CDK15: variants seen among roughly 807,000 people sequenced by gnomAD.
CDK15 encodes cyclin dependent kinase 15.
A neutral mutation model predicts 60.3 loss-of-function variants in CDK15; 62 were observed. That is an observed-to-expected ratio of 1.03 (90% CI 0.84 to 1.27). The LOEUF is 1.27. Ranked by LOEUF, CDK15 falls within the 50% of genes most tolerant of loss-of-function variation. The pLI is 0.00. For synonymous variants in CDK15, 194 were observed against 195.7 expected, an observed-to-expected ratio of 0.99 and a Z score of 0.07; for missense variants, 541 against 527.8, an observed-to-expected ratio of 1.03 and a Z score of -0.25.
At chr2:201,823,550 C>A in intron 5 of CDK15, 115 bp from the exon 6 acceptor site, 1 of 947,984 alleles carries the variant, frequency 1.1e-6, no homozygotes, top group South Asian at 1.3e-5. Flanking sequence ...GCACCTTATT[C>A]TTAAAATTCT....
At position 201,882,110 on chromosome 2, in the gene CDK15, C is replaced by T. The variant is rs1339134842; in HGVS notation, c.1198+1943C>T. On this transcript the variant is annotated intron_variant, in intron 12 of 13. Coordinates refer to ENST00000652192, the MANE Select transcript of CDK15 (RefSeq NM_001366386.2). The surrounding 1 kb of genome is among the most constrained non-coding windows in gnomAD (Gnocchi z 4.0). ...AAACTTGGGTTTTGATTTTTCCTGGCTGACCCAAAAGCAAAGCCACCAACA... is the reference window on the plus strand; with the variant it reads ...AAACTTGGGTTTTGATTTTTCCTGGTTGACCCAAAAGCAAAGCCACCAACA... Among the ~76,000 whole-genome samples the T allele has an allele frequency of 6.6e-6, 1 of 152,124 alleles. No homozygotes were observed. Among genetic ancestry groups the T allele is most frequent in the Non-Finnish European group, 1.5e-5 (1 of 68,020 alleles).
At chr2:201,844,833 A>G (rs1697572165) in intron 8 of CDK15, among the ~76,000 whole-genome samples, 3 of 152,160 alleles carry the variant, frequency 2.0e-5, no homozygotes, top group South Asian at 2.1e-4. Context: ...TGGGGCTGTT[A>G]TATCCAAATT....
rs182658535 is a variant in CDK15, at chr2:201,809,880, C to T, written c.368+1928C>T. 1.4e-4 allele frequency among the ~76,000 whole-genome samples: 22 copies of T among 152,140 alleles called. No homozygotes were observed. The East Asian group carries it at 4.1e-3, about 28-fold the overall frequency. ...TTCCACTGTTCATGCACACAGCTGA[C>T]TCCCCCTCGCCATCAGATTCCTGGT... On this transcript the variant is annotated intron_variant, in intron 3 of 13. Transcript: ENST00000652192.
chr2:201,819,046 A>G (rs1263451436), intron 4 of CDK15, among the ~76,000 whole-genome samples: 1 of 152,166 alleles, frequency 6.6e-6, no homozygotes, highest in African/African-American at 2.4e-5. Flanking sequence ...ATAAACAAAT[A>G]TTTATATATA....
intron 10 of CDK15, among the ~76,000 whole-genome samples, chr2:201,859,698 C>A (rs1698304275): frequency 6.6e-6 from 1 of 152,096 alleles, no homozygotes; most frequent in Admixed American, 6.5e-5. Flanking sequence ...AGGTATTGGT[C>A]CTAAACTAAG....
intron 10 of CDK15, among the ~76,000 whole-genome samples, chr2:201,869,504 T>C (rs1022661946): frequency 6.6e-6 from 1 of 151,836 alleles, no homozygotes; most frequent in Non-Finnish European, 1.5e-5. Context: ...GTTGTGCACC[T>C]GTACCCTAGA....
At chr2:201,892,858 C>T (rs536098561) in intron 13 of CDK15, among the ~76,000 whole-genome samples, 26 of 152,270 alleles carry the variant, frequency 1.7e-4, no homozygotes, top group African/African-American at 5.3e-4. Context: ...ATTAGGACTT[C>T]GTAACTGGCA....
chr2:201,858,124 G>A (rs889750973), intron 10 of CDK15, among the ~76,000 whole-genome samples: 1 of 152,096 alleles, frequency 6.6e-6, no homozygotes, highest in Non-Finnish European at 1.5e-5. Flanking sequence ...GGCCTTATCT[G>A]GACACCTCTA....
chr2:201,835,966 T>A (rs867273457), intron 8 of CDK15, among the ~76,000 whole-genome samples: 1 of 91,460 alleles, frequency 1.1e-5, no homozygotes, highest in East Asian at 5.5e-4. Flanking sequence ...TTGTATATAT[T>A]TATATATTTA....
chr2:201,809,677 T>C (rs537926485), intron 3 of CDK15, among the ~76,000 whole-genome samples: 1 of 152,328 alleles, frequency 6.6e-6, no homozygotes, highest in African/African-American at 2.4e-5. Flanking sequence ...AAATATCTAA[T>C]ACAACAGTCT....
chr2:201,871,899 G>A (rs758789818), intron 10 of CDK15, among the ~76,000 whole-genome samples: 21 of 152,048 alleles, frequency 1.4e-4, no homozygotes, highest in African/African-American at 4.1e-4. Flanking sequence ...TCTGACGCAC[G>A]TCTATTTCTG....
At chr2:201,861,841 G>A (rs1010971969) in intron 10 of CDK15, among the ~76,000 whole-genome samples, 1 of 152,152 alleles carries the variant, frequency 6.6e-6, no homozygotes, top group African/African-American at 2.4e-5. Context: ...GATTACAGGT[G>A]TGAGCCACTG....
At position 201,806,548 on chromosome 2, in the gene CDK15, G is replaced by A. The variant is rs528537524; in HGVS notation, c.-117G>A. 5 of 1,208,856 alleles carry A rather than the reference G, an allele frequency of 4.1e-6. No individual in the cohort carries two copies. The highest frequency in any genetic ancestry group is 5.4e-5 in the Admixed American group (2 of 37,092). The allele number at this position is 1,208,856 out of a possible 1,614,324, so 74.9% of individuals were successfully genotyped here. The stretch of plus-strand genomic sequence containing the variant: ...AGGCTGCTCCAGGCAGAGCCATCAT[G>A]TGAGTCATATGAAAGCTCCACGCTG... On this transcript the variant is annotated 5_prime_UTR_variant, in exon 1 of 14. It adds an upstream start codon to the 5' untranslated region. Transcript: ENST00000652192.
chr2:201,807,955 G>A lies in CDK15; in HGVS notation c.368+3G>A. The A allele has an allele frequency of 6.2e-7, 1 of 1,612,018 alleles. No individual in the cohort carries two copies. Among genetic ancestry groups the A allele is most frequent in the Non-Finnish European group, 8.5e-7 (1 of 1,178,932 alleles). ...ACAGTTTACAAGGGGATTAGCAGGT[G>A]AGTGACACATAGCTGGGAGAGACTT... On this transcript the variant is annotated splice_donor_region_variant and intron_variant, in intron 3 of 13. Transcript: ENST00000652192.
Position 201,807,916 on chromosome 2 carries a change from A to G in CDK15, c.332A>G (p.Glu111Gly). 3.7e-6 allele frequency: 6 copies of G among 1,614,172 alleles called. No homozygotes were observed. The highest frequency in any genetic ancestry group is 5.1e-6 in the Non-Finnish European group (6 of 1,180,022). Residue 111 changes from glutamate (E) to glycine (G), a missense_variant, in exon 3 of 14, where the codon GAA becomes GGA. Coordinates refer to ENST00000652192, the MANE Select transcript of CDK15 (RefSeq NM_001366386.2). ...SSYLNLEKLG[E>G]GSYATVYKGI... ...TACTTGAACTTGGAGAAGCTGGGTG[A>G]AGGCTCTTATGCGACAGTTTACAAG...
At chr2:201,840,213 G>A (rs976289323) in intron 8 of CDK15, among the ~76,000 whole-genome samples, 5 of 152,122 alleles carry the variant, frequency 3.3e-5, no homozygotes, top group African/African-American at 1.2e-4. Context: ...TCGAACTTTA[G>A]ATGTCAGGTG....
intron 8 of CDK15, among the ~76,000 whole-genome samples, chr2:201,846,274 C>T (rs1164924313): frequency 6.6e-6 from 1 of 152,078 alleles, no homozygotes; most frequent in Admixed American, 6.6e-5. Flanking sequence ...GGGTGGATCA[C>T]TTGAGGTCAG....
chr2:201,875,410 C>G (rs1163516503), intron 11 of CDK15, among the ~76,000 whole-genome samples: 1 of 152,134 alleles, frequency 6.6e-6, no homozygotes, highest in Non-Finnish European at 1.5e-5. Flanking sequence ...GAATCAAATA[C>G]TTTAACATGT....
In CDK15 at chr2:201,835,746, C is replaced by G. The variant is rs202239820; in HGVS notation, c.834C>G (p.Ser278=). 43 of 1,607,870 alleles carry G rather than the reference C, an allele frequency of 2.7e-5. No individual in the cohort carries two copies. The African/African-American group carries it at 5.2e-4, about 20-fold the overall frequency. Residue 278 remains serine (S), a synonymous_variant, in exon 8 of 14, where the codon TCC becomes TCG. Transcript: ENST00000652192. The part of the protein sequence containing the change: ...PDALLGATEY[S]SELDIWGAGC... The stretch of plus-strand genomic sequence containing the variant: ...CTTTGCTGGGAGCCACTGAATATTC[C>G]TCTGAGCTGGACATATGGTAAGAGT...
Sources: allele counts gnomAD v4.1 joint callset (sites outside exome capture counted in the v4.1 genomes callset), GRCh38; gene constraint gnomAD v4.1.1; non-coding constraint Gnocchi (gnomAD v3.1); transcripts MANE v1.5; gene names NCBI Gene and HGNC (gene_info 2026-07-23, HGNC 2026-07-21).